Variants in CFAP46 observed in about 807,000 individuals in gnomAD.
The protein encoded by CFAP46 is cilia and flagella associated protein 46, also known as cilia- and flagella-associated protein 46.
In CFAP46, 245 loss-of-function variants were observed where a neutral mutation model predicts 325.7. The observed-to-expected ratio is 0.75, with a 90% CI of 0.68 to 0.84. CFAP46 has a LOEUF of 0.84. Among genes scored for constraint, CFAP46 ranks in the 40% least tolerant of loss-of-function variants. CFAP46 has a pLI of 0.00. For synonymous variants in CFAP46, 1,523 were observed against 1,495.9 expected, an observed-to-expected ratio of 1.02 and a Z score of -0.42; for missense variants, 3,346 against 3,543.0, an observed-to-expected ratio of 0.94 and a Z score of 1.41.
Position 132,937,667 on chromosome 10 carries a change from A to G in CFAP46, c.545T>C (p.Leu182Pro), listed in dbSNP as rs150676715. The G allele has an allele frequency of 2.1e-5, 33 of 1,607,794 alleles. No individual in the cohort carries two copies. The highest frequency in any genetic ancestry group is 2.6e-5 in the Non-Finnish European group (31 of 1,176,992). ...TCTTCCGGCTTGCAGATAACACTCC[A>G]GAAGTTCCCTGGATAATAGAAACAC... is the stretch of plus-strand genomic sequence containing the variant. Reference protein sequence around the residue: ...EWRAELMLELLECYLQAGRKE... With the variant: ...EWRAELMLELPECYLQAGRKE... Residue 182 changes from leucine (L) to proline (P), a missense_variant, in exon 6 of 58, where the codon CTG (leucine) becomes CCG (proline). Transcript: ENST00000368586.
chr10:132,855,265 A>G (rs1448916688), intron 39 of CFAP46, among the ~76,000 whole-genome samples: 1 of 152,246 alleles, frequency 6.6e-6, no homozygotes, highest in Non-Finnish European at 1.5e-5. Context: ...AGCCGTTTGC[A>G]CTATAAAATG....
intron 22 of CFAP46, among the ~76,000 whole-genome samples, chr10:132,903,557 C>T (rs952159932): frequency 1.1e-4 from 17 of 152,224 alleles, no homozygotes; most frequent in Admixed American, 3.9e-4. Context: ...AGCCCACTTC[C>T]GATATTTCCT....
chr10:132,907,465 C>T (rs73393296), intron 22 of CFAP46, among the ~76,000 whole-genome samples: 83 of 152,344 alleles, frequency 5.4e-4, no homozygotes, highest in African/African-American at 1.9e-3. Flanking sequence ...CCTGGCGGCA[C>T]GGCTGACTCT....
At chr10:132,920,892 C>T (rs1350855134) in intron 13 of CFAP46, among the ~76,000 whole-genome samples, 4 of 152,232 alleles carry the variant, frequency 2.6e-5, no homozygotes, top group African/African-American at 7.2e-5. Flanking sequence ...CAGCAGCACA[C>T]GCCCATGAGT....
chr10:132,908,980 C>T (rs1015149859), intron 21 of CFAP46, among the ~76,000 whole-genome samples, 157 bp downstream of exon 21: 8 of 152,076 alleles, frequency 5.3e-5, no homozygotes, highest in South Asian at 2.1e-4. Flanking sequence ...GAAGGAAGTG[C>T]GTCGAGGGGG....
At chr10:132,822,487 G>GA (rs1170507652) in intron 50 of CFAP46, among the ~76,000 whole-genome samples, 3 of 135,514 alleles carry the variant, frequency 2.2e-5, no homozygotes, top group South Asian at 5.2e-4. Context: ...TGTGTGTGCT[G>GA]TGTGTGCTGA....
intron 1 of CFAP46, 131 bp downstream of exon 1, chr10:132,942,305 C>G: frequency 4.8e-6 from 4 of 825,858 alleles, no homozygotes; most frequent in Non-Finnish European, 6.4e-6. Context: ...GGTGGGGGCT[C>G]CGGCTGTGGC....
chr10:132,865,323 G>C (rs931171792), intron 35 of CFAP46, among the ~76,000 whole-genome samples: 6 of 152,208 alleles, frequency 3.9e-5, no homozygotes, highest in African/African-American at 1.4e-4. Flanking sequence ...CAGGCGCCCA[G>C]GGTGAGGAGA....
chr10:132,824,462 G>A (rs1413171354), intron 50 of CFAP46, among the ~76,000 whole-genome samples: 10 of 121,776 alleles, frequency 8.2e-5, no homozygotes, highest in Middle Eastern at 5.6e-3. Flanking sequence ...GCTGTGTGCT[G>A]ATGTGTGCTG....
At chr10:132,941,354 G>T (rs181239054) in intron 3 of CFAP46, among the ~76,000 whole-genome samples, 3 of 152,264 alleles carry the variant, frequency 2.0e-5, no homozygotes, top group African/African-American at 7.2e-5. Flanking sequence ...TGCAGGCGCA[G>T]ATGCCACAGA....
chr10:132,819,144 C>A (rs956979422), intron 50 of CFAP46, among the ~76,000 whole-genome samples: 1 of 152,138 alleles, frequency 6.6e-6, no homozygotes, highest in Non-Finnish European at 1.5e-5. Context: ...GAAAACCACC[C>A]TATTTATAAT....
chr10:132,916,771 T>G, intron 16 of CFAP46, 89 bp from the exon 17 acceptor site: 8 of 1,390,208 alleles, frequency 5.8e-6, no homozygotes, highest in South Asian at 1.6e-5. Flanking sequence ...CCCTCAGCTC[T>G]GATTTGAAAA....
At position 132,939,085 on chromosome 10, in the gene CFAP46, A is replaced by G. The variant is rs978567749; in HGVS notation, c.372-332T>C. 2.0e-5 allele frequency among the ~76,000 whole-genome samples: 3 copies of G among 152,156 alleles called. No homozygotes were observed. Among genetic ancestry groups the G allele is most frequent in the African/African-American group, 7.2e-5 (3 of 41,444 alleles). ...TCCACAAACTGATCGGCCCCCTCCC[A>G]TGAAAATACACCACTGGGCAAGGCC... is the stretch of plus-strand genomic sequence containing the variant. On this transcript the variant is annotated intron_variant, in intron 4 of 57. Transcript: ENST00000368586. This position sits in a 1 kb window ranked among gnomAD's most constrained non-coding sequence, Gnocchi z 4.6.
At chr10:132,887,651 T>A in intron 25 of CFAP46, among the ~76,000 whole-genome samples, 3 of 83,008 alleles carry the variant, frequency 3.6e-5, no homozygotes, top group Non-Finnish European at 7.4e-5. Flanking sequence ...CTCTCTCCTC[T>A]CCTCTCTCCT....
chr10:132,812,037 G>A (rs1298963773), intron 55 of CFAP46, among the ~76,000 whole-genome samples: 1 of 152,236 alleles, frequency 6.6e-6, no homozygotes, highest in Non-Finnish European at 1.5e-5. Flanking sequence ...CCTGCACAGG[G>A]GGCGTCCTGG....
chr10:132,926,029 G>A (rs1849804629), intron 10 of CFAP46, among the ~76,000 whole-genome samples: 1 of 152,222 alleles, frequency 6.6e-6, no homozygotes, highest in African/African-American at 2.4e-5. Flanking sequence ...TTATTACTGA[G>A]GAAGAGTCTA....
At chr10:132,835,541 T>C in intron 46 of CFAP46, 107 bp from the exon 47 acceptor site, 3 of 1,403,690 alleles carry the variant, frequency 2.1e-6, no homozygotes, top group Middle Eastern at 3.7e-4. Flanking sequence ...CAGGAAAGGC[T>C]GCATGGATGG....
chr10:132,868,395 C>T (rs1848848857), intron 33 of CFAP46, among the ~76,000 whole-genome samples: 1 of 152,204 alleles, frequency 6.6e-6, no homozygotes, highest in Non-Finnish European at 1.5e-5. Context: ...TGGGACACTG[C>T]TCCACGTCCC....
At chr10:132,878,917 G>A (rs1738700041) in intron 29 of CFAP46, among the ~76,000 whole-genome samples, 1 of 152,328 alleles carries the variant, frequency 6.6e-6, no homozygotes, top group East Asian at 1.9e-4. Context: ...GCTGCTCCTG[G>A]TGGGCTTTAC....
Sources: allele counts gnomAD v4.1 joint callset (sites outside exome capture counted in the v4.1 genomes callset), GRCh38; gene constraint gnomAD v4.1.1; non-coding constraint Gnocchi (gnomAD v3.1); transcripts MANE v1.5; gene names NCBI Gene and HGNC (gene_info 2026-07-23, HGNC 2026-07-21).